The following MTCH1 variants were observed in gnomAD, a reference collection of about 807,000 sequenced individuals.
MTCH1 encodes mitochondrial carrier homolog 1.
A neutral mutation model predicts 49.3 loss-of-function variants in MTCH1; 23 were observed. That is an observed-to-expected ratio of 0.47 (90% CI 0.34 to 0.66). MTCH1 has a LOEUF of 0.66. Among genes scored for constraint, MTCH1 ranks in the 30% least tolerant of loss-of-function variants. The pLI, the probability that MTCH1 is intolerant of heterozygous loss-of-function variation, is 0.01. For synonymous variants in MTCH1, 229 were observed against 215.2 expected (o/e 1.06, Z -0.56); for missense variants, 397 against 532.1 (o/e 0.75, Z 2.50).
At chr6:36,975,030 G>C (rs1763818534) in intron 7 of MTCH1, among the ~76,000 whole-genome samples, 1 of 152,158 alleles carries the variant, frequency 6.6e-6, no homozygotes, top group South Asian at 2.1e-4. Context: ...AAGTACACTG[G>C]ATGTGACGTG....
At chr6:36,974,691 G>A (rs1173300697) in intron 7 of MTCH1, among the ~76,000 whole-genome samples, 2 of 152,044 alleles carry the variant, frequency 1.3e-5, no homozygotes, top group Non-Finnish European at 2.9e-5. Flanking sequence ...GCTGAGAACC[G>A]TATATATATT....
intron 7 of MTCH1, among the ~76,000 whole-genome samples, chr6:36,973,910 C>T (rs897375282): frequency 1.2e-4 from 18 of 152,238 alleles, no homozygotes; most frequent in Non-Finnish European, 1.8e-4. Flanking sequence ...TGTCACCTCA[C>T]ATCCAACTTA....
Position 36,972,435 on chromosome 6 carries a change from C to G in MTCH1, c.906+217G>C, listed in dbSNP as rs1438454851. Among the ~76,000 whole-genome samples, 1 of 152,128 alleles carries G rather than the reference C, an allele frequency of 6.6e-6. No homozygotes were observed. Among genetic ancestry groups the G allele is most frequent in the Non-Finnish European group, 1.5e-5 (1 of 68,016 alleles). ...GGTCTGTTTCTAAGGCGCCCAGGGA[C>G]AAGCATTCCATTAATTCCTCCCAGG... is the stretch of plus-strand genomic sequence containing the variant. On this transcript the variant is annotated intron_variant, in intron 8 of 11. Transcript: ENST00000373627. This position sits in a 1 kb window ranked among gnomAD's most constrained non-coding sequence, Gnocchi z 4.1.
chr6:36,975,827 G>A (rs543590776), intron 6 of MTCH1, 110 bp from the exon 7 acceptor site: 23 of 947,778 alleles, frequency 2.4e-5, no homozygotes, highest in South Asian at 2.0e-4. Flanking sequence ...GCCAGTCCTG[G>A]CAGGGATGGG....
chr6:36,983,113 T>A (rs140157695), intron 1 of MTCH1, among the ~76,000 whole-genome samples: 2 of 152,232 alleles, frequency 1.3e-5, no homozygotes, highest in Non-Finnish European at 2.9e-5. Context: ...GATTCTGAGA[T>A]GCCTAACAGA....
chr6:36,968,726 C>T lies in MTCH1; in HGVS notation c.*177G>A. 2.9e-6 allele frequency: 3 copies of T among 1,033,392 alleles called. No individual in the cohort carries two copies. The highest frequency in any genetic ancestry group is 4.4e-6 in the Non-Finnish European group (3 of 684,350). The allele number at this position is 1,033,392 out of a possible 1,614,324, so 64.0% of individuals were successfully genotyped here. A position where few individuals can be genotyped will look rare whatever the true frequency, so the allele number is the denominator to read the frequency against. On this transcript the variant is annotated 3_prime_UTR_variant, in exon 12 of 12. Coordinates refer to ENST00000373627, the MANE Select transcript of MTCH1 (RefSeq NM_001271641.2). ...GGTGACCCAATCCACTGGGTGCAGC[C>T]CCACCCCCGCTCAACCCCACATCTG...
Position 36,986,078 on chromosome 6 carries a change from C to G in MTCH1, c.96G>C (p.Ala32=). Residue 32 remains alanine, a synonymous_variant, in exon 1 of 12, where the codon GCG becomes GCC. Transcript: ENST00000373627. The stretch of plus-strand genomic sequence containing the variant: ...GAGCTCGAGCCTCGACCCCCGCCGC[C>G]GCTCCGCCGCGAGCTCCGGCTCCAG... The part of the protein sequence containing the change: ...AGAGAGARGG[A]AAGVEARARD... 2 of 1,430,878 alleles carry G rather than the reference C, an allele frequency of 1.4e-6. No homozygotes were observed. Among genetic ancestry groups the G allele is most frequent in the Non-Finnish European group, 9.1e-7 (1 of 1,103,708 alleles). 88.6% of individuals were successfully genotyped at this position (1,430,878 alleles called of 1,614,324 possible). A position where few individuals can be genotyped will look rare whatever the true frequency, so the allele number is the denominator to read the frequency against.
At chr6:36,975,327 T>A (rs563238682) in intron 7 of MTCH1, among the ~76,000 whole-genome samples, 1 of 152,356 alleles carries the variant, frequency 6.6e-6, no homozygotes, top group South Asian at 2.1e-4. Flanking sequence ...TTCAGTCATG[T>A]TTTAGCAGTG....
chr6:36,984,102 T>G (rs1022975039), intron 1 of MTCH1, among the ~76,000 whole-genome samples: 1 of 152,148 alleles, frequency 6.6e-6, no homozygotes, highest in Non-Finnish European at 1.5e-5. Context: ...ACTGAGCCCT[T>G]GTGCTCCAGT....
At position 36,977,070 on chromosome 6, in the gene MTCH1, G is replaced by A; in HGVS notation, c.701+129C>T. 1 of 933,624 alleles carries A rather than the reference G, an allele frequency of 1.1e-6. No individual in the cohort carries two copies. The highest frequency in any genetic ancestry group is 1.9e-5 in the Admixed American group (1 of 51,422). 57.8% of individuals were successfully genotyped at this position (933,624 alleles called of 1,614,324 possible). ...GAAGCCACTGCCACATTCCTCAGAA[G>A]CCAGGCAGCAGGCTGAACTCACACA... On this transcript the variant is annotated intron_variant, in intron 6 of 11. Coordinates refer to ENST00000373627, the MANE Select transcript of MTCH1 (RefSeq NM_001271641.2). This position sits in a 1 kb window ranked among gnomAD's most constrained non-coding sequence, Gnocchi z 5.4.
intron 7 of MTCH1, 125 bp downstream of exon 7, chr6:36,975,533 A>T (rs1470069679): frequency 1.1e-6 from 1 of 885,212 alleles, no homozygotes; most frequent in Non-Finnish European, 1.8e-6. Flanking sequence ...TGGCTGCAGC[A>T]CTCAGGCTAG....
rs1271021695 is a variant in MTCH1 at position 36,972,742 on chromosome 6, C to T, written c.816G>A (p.Leu272=). Residue 272 remains leucine, a synonymous_variant, in exon 8 of 12, where the codon CTG becomes CTA. Transcript: ENST00000373627. This position sits in a 1 kb window ranked among gnomAD's most constrained non-coding sequence, Gnocchi z 4.1. The part of the protein sequence containing the change: ...GDVVFLWGCN[L]LAHFINAYLV... ...GGTAGGCATTGATGAAGTGGGCCAG[C>T]AGGTTACAGCCCCACAAGAAAACCA... The T allele has an allele frequency of 2.6e-6, 4 of 1,553,522 alleles. No individual in the cohort carries two copies. Among genetic ancestry groups the T allele is most frequent in the Non-Finnish European group, 3.5e-6 (4 of 1,147,926 alleles).
In MTCH1 at chr6:36,982,383, T is replaced by A. The variant is rs911307902; in HGVS notation, c.322-711A>T. On this transcript the variant is annotated intron_variant, in intron 1 of 11. Coordinates refer to ENST00000373627, the MANE Select transcript of MTCH1 (RefSeq NM_001271641.2). This position sits in a 1 kb window ranked among gnomAD's most constrained non-coding sequence, Gnocchi z 4.1. ...CTTATATCTGAAATATTTATTTATT[T>A]ATTTTTTTTTTTGAGATGGAGTTTC... Among the ~76,000 whole-genome samples the A allele has an allele frequency of 4.0e-5, 6 of 151,436 alleles. No individual in the cohort carries two copies. Among genetic ancestry groups the A allele is most frequent in the African/African-American group, 1.5e-4 (6 of 40,992 alleles).
chr6:36,974,579 T>C (rs1763796627), intron 7 of MTCH1, among the ~76,000 whole-genome samples: 1 of 152,100 alleles, frequency 6.6e-6, no homozygotes, highest in African/African-American at 2.4e-5. Context: ...CTGTAGGATG[T>C]TTAGCAGCGT....
intron 7 of MTCH1, among the ~76,000 whole-genome samples, chr6:36,974,235 C>CT (rs1398492393): frequency 6.6e-6 from 1 of 152,126 alleles, no homozygotes; most frequent in Non-Finnish European, 1.5e-5. Context: ...GGGTCTCACT[C>CT]TATCACCCAG....
chr6:36,986,120 C>G lies in MTCH1; in HGVS notation c.54G>C (p.Gly18=). The G allele has an allele frequency of 7.0e-7, 1 of 1,432,376 alleles. No individual in the cohort carries two copies. The highest frequency in any genetic ancestry group is 9.1e-7 in the Non-Finnish European group (1 of 1,102,758). The allele number at this position is 1,432,376 out of a possible 1,614,324, so 88.7% of individuals were successfully genotyped here. The change falls in exon 1 of 12, where the codon GGG becomes GGC. Residue 18 remains glycine, a synonymous_variant. Transcript: ENST00000373627. ...CGGCTCCAGCTCCGGCTCCCGCCAT[C>G]CCCGCGGCACCGCCGCGAGCCCAGG... ...VAPWARGGAA[G]MAGAGAGAGA...
chr6:36,978,437 C>A, intron 3 of MTCH1, 68 bp downstream of exon 3: 1 of 1,488,230 alleles, frequency 6.7e-7, no homozygotes, highest in Non-Finnish European at 9.3e-7. Flanking sequence ...GGGTAACTGG[C>A]TGCTGCAGGG....
At position 36,968,781 on chromosome 6, in the gene MTCH1, G is replaced by A. The variant is rs1763567572; in HGVS notation, c.*122C>T. ...GACACATGGCAAATATGGAACTGAAGCCCGGCTGGGCTGGAGCACATCTGG... is the reference window on the plus strand; with the variant it reads ...GACACATGGCAAATATGGAACTGAAACCCGGCTGGGCTGGAGCACATCTGG... On this transcript the variant is annotated 3_prime_UTR_variant, in exon 12 of 12. Coordinates refer to ENST00000373627, the MANE Select transcript of MTCH1 (RefSeq NM_001271641.2). The A allele has an allele frequency of 6.9e-7, 1 of 1,457,666 alleles. No homozygotes were observed. Among genetic ancestry groups the A allele is most frequent in the South Asian group, 1.2e-5 (1 of 84,320 alleles). 90.3% of individuals were successfully genotyped at this position (1,457,666 alleles called of 1,614,324 possible). A position where few individuals can be genotyped will look rare whatever the true frequency, so the allele number is the denominator to read the frequency against.
At chr6:36,975,324 A>G (rs1023239023) in intron 7 of MTCH1, among the ~76,000 whole-genome samples, 2 of 152,266 alleles carry the variant, frequency 1.3e-5, no homozygotes, top group African/African-American at 4.8e-5. Context: ...ATTTTCAGTC[A>G]TGTTTTAGCA....
Sources: allele counts gnomAD v4.1 joint callset (sites outside exome capture counted in the v4.1 genomes callset), GRCh38; gene constraint gnomAD v4.1.1; non-coding constraint Gnocchi (gnomAD v3.1); transcripts MANE v1.5; gene names NCBI Gene and HGNC (gene_info 2026-07-23, HGNC 2026-07-21).